The following CDC14B variants were observed in gnomAD, a reference collection of about 807,000 sequenced individuals.
CDC14B encodes dual specificity protein phosphatase CDC14B.
A neutral mutation model predicts 64.2 loss-of-function variants in CDC14B; 22 were observed. The ratio of observed to expected loss-of-function variants is 0.34; its 90% CI spans 0.24 to 0.49. The LOEUF (loss-of-function observed/expected upper bound fraction) is 0.49, where lower values mean the gene tolerates loss of function less well. CDC14B is among the 20% of genes least tolerant of loss of function. CDC14B has a pLI of 0.99. For missense variants in CDC14B, 498 were observed against 629.9 expected (o/e 0.79, Z 2.24); for synonymous variants, 191 against 215.8 (o/e 0.89, Z 1.01).
At chr9:96,567,436 G>A (rs1279686520) in intron 1 of CDC14B, among the ~76,000 whole-genome samples, 1 of 152,224 alleles carries the variant, frequency 6.6e-6, no homozygotes, top group East Asian at 1.9e-4. Flanking sequence ...CCCGCCAAGT[G>A]CCCCCGCAGG....
intron 9 of CDC14B, among the ~76,000 whole-genome samples, chr9:96,528,978 A>G (rs534650799): frequency 4.9e-4 from 74 of 152,282 alleles, no homozygotes; most frequent in African/African-American, 1.5e-3. Flanking sequence ...CGTTTTCTCT[A>G]TATCTTCTGG....
chr9:96,602,263 A>C (rs1185155523), intron 1 of CDC14B, among the ~76,000 whole-genome samples: 1 of 152,146 alleles, frequency 6.6e-6, no homozygotes. Flanking sequence ...AGCAATACTG[A>C]GAAGATGCTG....
chr9:96,571,225 G>A (rs980887458), intron 1 of CDC14B, among the ~76,000 whole-genome samples: 1 of 151,552 alleles, frequency 6.6e-6, no homozygotes, highest in Non-Finnish European at 1.5e-5. Flanking sequence ...TGTCAGGCTG[G>A]AGTGCAGTGG....
intron 1 of CDC14B, among the ~76,000 whole-genome samples, chr9:96,598,310 C>T (rs1400807496): frequency 6.6e-6 from 1 of 152,148 alleles, no homozygotes; most frequent in East Asian, 1.9e-4. Flanking sequence ...AGTTTGGTAA[C>T]CTACTTTATT....
intron 13 of CDC14B, among the ~76,000 whole-genome samples, chr9:96,495,071 T>G (rs909245343): frequency 5.9e-5 from 9 of 151,740 alleles, no homozygotes; most frequent in Admixed American, 1.3e-4. Context: ...CCTGACCTCA[T>G]GATCCACCTG....
At chr9:96,579,231 G>A (rs957030640) in intron 1 of CDC14B, among the ~76,000 whole-genome samples, 1 of 152,096 alleles carries the variant, frequency 6.6e-6, no homozygotes, top group African/African-American at 2.4e-5. Flanking sequence ...CAGGGAATAG[G>A]GCCTTTAAGG....
intron 1 of CDC14B, chr9:96,618,346 C>T: frequency 2.7e-6 from 1 of 375,972 alleles, no homozygotes; most frequent in Non-Finnish European, 5.4e-6. Context: ...GTTTACACAG[C>T]GTTGCCACAT....
intron 1 of CDC14B, among the ~76,000 whole-genome samples, chr9:96,583,586 C>T (rs1845294857): frequency 6.6e-6 from 1 of 151,466 alleles, no homozygotes; most frequent in African/African-American, 2.4e-5. Context: ...TAGTAGAAAC[C>T]GGGTTTCACA....
chr9:96,592,805 C>T (rs986906925), intron 1 of CDC14B, among the ~76,000 whole-genome samples: 69 of 152,026 alleles, frequency 4.5e-4, no homozygotes, highest in African/African-American at 1.6e-3. Context: ...GGTTGCTAAA[C>T]AAGGACATTA....
At chr9:96,599,671 G>A (rs1390684121) in intron 1 of CDC14B, among the ~76,000 whole-genome samples, 6 of 152,062 alleles carry the variant, frequency 3.9e-5, no homozygotes, top group African/African-American at 1.2e-4. Flanking sequence ...AACATGCTAC[G>A]GCAACATAAG....
At chr9:96,512,326 CTTTTTTTTTTT>C (rs776677638) in intron 12 of CDC14B, among the ~76,000 whole-genome samples, 1 of 132,092 alleles carries the variant, frequency 7.6e-6, no homozygotes, top group African/African-American at 2.7e-5. Flanking sequence ...AATTTTTTTT[CTTTTTTTTTTT>C]TTTTTTAAGA....
chr9:96,556,607 T>C (rs773142194), intron 4 of CDC14B, among the ~76,000 whole-genome samples: 1 of 152,086 alleles, frequency 6.6e-6, no homozygotes, highest in African/African-American at 2.4e-5. Flanking sequence ...TAATGATATA[T>C]ATAATGATCC....
At chr9:96,587,984 C>T (rs960130413) in intron 1 of CDC14B, among the ~76,000 whole-genome samples, 21 of 151,988 alleles carry the variant, frequency 1.4e-4, no homozygotes, top group Admixed American at 1.2e-3. Flanking sequence ...CTACTTTATA[C>T]GATATGGCTT....
At chr9:96,513,414 C>T (rs1835184299) in intron 12 of CDC14B, among the ~76,000 whole-genome samples, 1 of 152,208 alleles carries the variant, frequency 6.6e-6, no homozygotes, top group African/African-American at 2.4e-5. Flanking sequence ...CACTCGCGGC[C>T]TTCTGCCTTC....
intron 1 of CDC14B, among the ~76,000 whole-genome samples, chr9:96,606,925 A>G (rs113115326): frequency 0.015 from 2,263 of 151,962 alleles, 58 homozygotes; most frequent in African/African-American, 0.052. Context: ...AGTCTCAGCT[A>G]CTCAGGAAGC....
At chr9:96,547,652 T>A (rs1456888764) in intron 5 of CDC14B, among the ~76,000 whole-genome samples, 1 of 151,970 alleles carries the variant, frequency 6.6e-6, no homozygotes, top group African/African-American at 2.4e-5. Flanking sequence ...ATGGTCTTGC[T>A]ATGCTGCAAG....
chr9:96,505,041 C>T (rs1263391770), intron 13 of CDC14B, among the ~76,000 whole-genome samples: 1 of 152,050 alleles, frequency 6.6e-6, no homozygotes, highest in African/African-American at 2.4e-5. Context: ...TTTAGCCAGG[C>T]GTGGTGATGC....
intron 1 of CDC14B, among the ~76,000 whole-genome samples, chr9:96,593,214 T>G (rs938472998): frequency 6.6e-6 from 1 of 151,808 alleles, no homozygotes; most frequent in Non-Finnish European, 1.5e-5. Flanking sequence ...TATAGCCAGG[T>G]GTGGTGGCTC....
At chr9:96,590,353 T>C (rs564063752) in intron 1 of CDC14B, among the ~76,000 whole-genome samples, 60 of 139,380 alleles carry the variant, frequency 4.3e-4, no homozygotes, top group African/African-American at 1.9e-3. Flanking sequence ...AATATTCCAC[T>C]GTTAGATACA....
Sources: gnomAD v4.1 joint callset for allele counts (sites outside exome capture counted in the v4.1 genomes callset) on GRCh38, gnomAD v4.1.1 for gene constraint, MANE v1.5 for transcripts, NCBI Gene and HGNC (gene_info 2026-07-23, HGNC 2026-07-21) for gene names.